The following MB21D2 variants were observed in gnomAD, a reference collection of about 807,000 sequenced individuals.
MB21D2 encodes Mab-21 domain containing 2.
Under a neutral mutation model 33.3 loss-of-function variants are expected in MB21D2, and 9 were observed. The observed-to-expected ratio is 0.27, with a 90% confidence interval of 0.16 to 0.47. MB21D2 has a LOEUF of 0.47. Ranked by LOEUF, MB21D2 falls within the 20% of genes least tolerant of loss-of-function variation. The probability of loss-of-function intolerance (pLI) is 0.99; values close to 1 mark genes in which losing one functional copy is unlikely to be tolerated. For missense variants in MB21D2, 540 were observed against 624.6 expected (o/e 0.86, Z 1.44); for synonymous variants, 241 against 236.3 (o/e 1.02, Z -0.18).
chr3:192,915,186 C>A (rs913617158), intron 1 of MB21D2, among the ~76,000 whole-genome samples: 35 of 152,112 alleles, frequency 2.3e-4, no homozygotes, highest in Non-Finnish European at 3.7e-4. Flanking sequence ...CTCCACCCCC[C>A]CGCCCTGAAA....
At chr3:192,831,275 T>C (rs746621706) in intron 1 of MB21D2, among the ~76,000 whole-genome samples, 2 of 152,138 alleles carry the variant, frequency 1.3e-5, no homozygotes, top group Non-Finnish European at 2.9e-5. Context: ...TTCCCAGCCA[T>C]GTGAGTCCGG....
chr3:192,853,831 T>G (rs551731707), intron 1 of MB21D2, among the ~76,000 whole-genome samples: 1 of 152,274 alleles, frequency 6.6e-6, no homozygotes, highest in East Asian at 1.9e-4. Context: ...TGTGTCACAT[T>G]ATGGTAATTC....
chr3:192,817,866 C>T (rs1711960511), intron 1 of MB21D2, among the ~76,000 whole-genome samples: 1 of 151,592 alleles, frequency 6.6e-6, no homozygotes, highest in South Asian at 2.1e-4. Flanking sequence ...ATCTCCATAG[C>T]CAAGGCCTCC....
At chr3:192,884,604 T>C (rs990169951) in intron 1 of MB21D2, among the ~76,000 whole-genome samples, 11 of 152,050 alleles carry the variant, frequency 7.2e-5, no homozygotes, top group African/African-American at 2.4e-4. Flanking sequence ...CCTGACCTCG[T>C]GATCTGCCCG....
intron 1 of MB21D2, among the ~76,000 whole-genome samples, chr3:192,871,130 A>G (rs1194694837): frequency 2.0e-5 from 3 of 152,226 alleles, no homozygotes; most frequent in Non-Finnish European, 4.4e-5. Context: ...CACACGGAAC[A>G]TGGGCATATT....
chr3:192,899,005 T>C (rs543883439), intron 1 of MB21D2, among the ~76,000 whole-genome samples: 1 of 152,148 alleles, frequency 6.6e-6, no homozygotes, highest in African/African-American at 2.4e-5. Context: ...CTTCTGAGAG[T>C]TCAGTGTGTG....
intron 1 of MB21D2, among the ~76,000 whole-genome samples, chr3:192,907,328 T>C (rs1338886615): frequency 2.0e-5 from 3 of 152,150 alleles, no homozygotes; most frequent in Admixed American, 1.3e-4. Context: ...ATTCACCCCC[T>C]ATATACCCTT....
intron 1 of MB21D2, among the ~76,000 whole-genome samples, chr3:192,859,860 C>G (rs1050620287): frequency 1.3e-5 from 2 of 152,132 alleles, no homozygotes; most frequent in Admixed American, 6.5e-5. Context: ...ACTTTTCGAG[C>G]CTGACCAACA....
intron 1 of MB21D2, among the ~76,000 whole-genome samples, chr3:192,871,061 T>C (rs1390873736): frequency 3.3e-5 from 5 of 152,168 alleles, no homozygotes; most frequent in African/African-American, 1.2e-4. Context: ...TCAGAGGTTA[T>C]TAAAAGGCCA....
At chr3:192,829,009 AACC>A (rs1488731767) in intron 1 of MB21D2, among the ~76,000 whole-genome samples, 2 of 152,088 alleles carry the variant, frequency 1.3e-5, no homozygotes, top group Admixed American at 6.5e-5. Flanking sequence ...AAAGTTGTAT[AACC>A]ACCACAATTA....
At chr3:192,876,496 T>C (rs1713430165) in intron 1 of MB21D2, among the ~76,000 whole-genome samples, 1 of 152,232 alleles carries the variant, frequency 6.6e-6, no homozygotes, top group African/African-American at 2.4e-5. Flanking sequence ...ACTGGTCTTC[T>C]TTGTTAGTCC....
rs540683112 is a variant in MB21D2 at position 192,800,038 on chromosome 3, G to T, written c.212-388C>A. The stretch of plus-strand genomic sequence containing the variant: ...GCCAAATCTTTTCCATGGAACCTCT[G>T]CCAGGGTTTCTCACTTCCTTCCCTG... On this transcript the variant is annotated intron_variant, in intron 1 of 1. Coordinates refer to ENST00000392452, the MANE Select transcript of MB21D2 (RefSeq NM_178496.4). Among the ~76,000 whole-genome samples, 10 of 152,182 alleles carry T rather than the reference G, an allele frequency of 6.6e-5. No individual in the cohort carries two copies. The South Asian group carries it at 1.9e-3, about 28-fold the overall frequency.
At chr3:192,864,105 G>A (rs1713110465) in intron 1 of MB21D2, among the ~76,000 whole-genome samples, 1 of 152,138 alleles carries the variant, frequency 6.6e-6, no homozygotes, top group South Asian at 2.1e-4. Flanking sequence ...ATCCTCTGTG[G>A]CAGTGGGTAT....
intron 1 of MB21D2, among the ~76,000 whole-genome samples, chr3:192,877,428 A>G (rs1262189340): frequency 6.6e-6 from 1 of 152,138 alleles, no homozygotes; most frequent in East Asian, 1.9e-4. Context: ...CAAACTAGTT[A>G]CCCTTCACCA....
chr3:192,851,527 C>T (rs1712805864), intron 1 of MB21D2, among the ~76,000 whole-genome samples: 2 of 124,954 alleles, frequency 1.6e-5, no homozygotes, highest in Admixed American at 8.8e-5. Flanking sequence ...TGGAGTCTCA[C>T]TCTGTTGCCC....
At chr3:192,890,520 C>T (rs1039879397) in intron 1 of MB21D2, among the ~76,000 whole-genome samples, 4 of 151,528 alleles carry the variant, frequency 2.6e-5, no homozygotes, top group African/African-American at 9.7e-5. Flanking sequence ...ACCTGAACTT[C>T]CCACATGATA....
At position 192,909,936 on chromosome 3, in the gene MB21D2, CAAAAAAAAAAAA is replaced by C. The variant is rs61613458; in HGVS notation, c.211+7682_211+7693del. Among the ~76,000 whole-genome samples, 3 of 52,820 alleles carry C rather than the reference CAAAAAAAAAAAA, an allele frequency of 5.7e-5. 1 individual carries two copies. The highest frequency in any genetic ancestry group is 2.1e-3 in the South Asian group (2 of 958). 34.7% of individuals were successfully genotyped at this position (52,820 alleles called of 152,430 possible). On this transcript the variant is annotated intron_variant, in intron 1 of 1. Coordinates refer to ENST00000392452, the MANE Select transcript of MB21D2 (RefSeq NM_178496.4). ...TGAGTGACAGAGCAAGACTCTGTCTCAAAAAAAAAAAAAAAAAAAAAAAAAAAGAAAGAGAGA... is the reference window on the plus strand; with the variant it reads ...TGAGTGACAGAGCAAGACTCTGTCTCAAAAAAAAAAAAAAAGAAAGAGAGA...
rs547205516 is a variant in MB21D2, at chr3:192,885,628, A to T, written c.211+32002T>A. 2.3e-4 allele frequency among the ~76,000 whole-genome samples: 35 copies of T among 152,222 alleles called. 1 individual carries two copies. In the South Asian group the frequency reaches 7.1e-3, roughly 31 times the overall value. On this transcript the variant is annotated intron_variant, in intron 1 of 1. Coordinates refer to ENST00000392452, the MANE Select transcript of MB21D2 (RefSeq NM_178496.4). ...TCTTTAAAACCACCATTCGTCTCAG[A>T]TGGCTCTGAAGTAGTGCTGCCTAGA...
intron 1 of MB21D2, among the ~76,000 whole-genome samples, chr3:192,876,034 C>A (rs1713420709): frequency 6.6e-6 from 1 of 152,144 alleles, no homozygotes; most frequent in Non-Finnish European, 1.5e-5. Context: ...GAGTCCTTTC[C>A]TCATGTGTAA....
Sources: gnomAD v4.1 joint callset for allele counts (sites outside exome capture counted in the v4.1 genomes callset) on GRCh38, gnomAD v4.1.1 for gene constraint, MANE v1.5 for transcripts, NCBI Gene and HGNC (gene_info 2026-07-23, HGNC 2026-07-21) for gene names.